The following DIP2A variants were observed in gnomAD, a reference collection of about 807,000 sequenced individuals.
The protein encoded by DIP2A is disco-interacting protein 2 homolog A.
In DIP2A, 85 loss-of-function variants were observed where a neutral mutation model predicts 177.4. The observed-to-expected ratio is 0.48, with a 90% CI of 0.40 to 0.57. The LOEUF is 0.57. DIP2A is among the 20% of genes least tolerant of loss of function. The pLI, the probability that DIP2A is intolerant of heterozygous loss-of-function variation, is 0.00. For synonymous variants in DIP2A, 886 were observed against 881.8 expected, an observed-to-expected ratio of 1.00 and a Z score of -0.08; for missense variants, 1,791 against 2,100.2, an observed-to-expected ratio of 0.85 and a Z score of 2.88.
intron 1 of DIP2A, among the ~76,000 whole-genome samples, chr21:46,460,588 C>T (rs1286461836): frequency 1.3e-5 from 2 of 152,122 alleles, no homozygotes; most frequent in East Asian, 1.9e-4. Context: ...CCTTGCCAAC[C>T]TTAGGGAGGT....
rs900261445 is a variant in DIP2A, at chr21:46,556,711, A to G, written c.3499-228A>G. ...AAAAAAAAAAAGAAAAAAATTTTAA[A>G]AATTCATTACCCTGAAATTTTGTTT... On this transcript the variant is annotated intron_variant, in intron 29 of 37. Coordinates refer to ENST00000417564, the MANE Select transcript of DIP2A (RefSeq NM_015151.4). This position sits in a 1 kb window ranked among gnomAD's most constrained non-coding sequence, Gnocchi z 4.5. 9 of 524,254 alleles carry G rather than the reference A, an allele frequency of 1.7e-5. No homozygotes were observed. Among genetic ancestry groups the G allele is most frequent in the African/African-American group, 3.9e-5 (2 of 51,752 alleles). The allele number at this position is 524,254 out of a possible 1,614,324, so 32.5% of individuals were successfully genotyped here. A position where few individuals can be genotyped will look rare whatever the true frequency, so the allele number is the denominator to read the frequency against.
intron 7 of DIP2A, among the ~76,000 whole-genome samples, chr21:46,509,901 G>A (rs1286410901): frequency 1.3e-5 from 2 of 152,176 alleles, no homozygotes; most frequent in African/African-American, 2.4e-5. Context: ...GACCTTGGCT[G>A]TTTGTACAGT....
At chr21:46,505,778 A>G (rs1004430624) in intron 6 of DIP2A, among the ~76,000 whole-genome samples, 1 of 152,184 alleles carries the variant, frequency 6.6e-6, no homozygotes, top group Non-Finnish European at 1.5e-5. Context: ...TTCTGTCACT[A>G]TAGATTAGAT....
At chr21:46,550,049 T>C (rs79100421) in intron 22 of DIP2A, 164 bp downstream of exon 22, 104,705 of 1,433,870 alleles carry the variant, frequency 0.073, 4,134 homozygotes, top group Non-Finnish European at 0.081. Flanking sequence ...GCTGTATGTA[T>C]TTACGGGATA....
the DIP2A span, among the ~76,000 whole-genome samples, chr21:46,576,947 A>G: frequency 2.0e-5 from 3 of 152,236 alleles, no homozygotes; most frequent in African/African-American, 7.2e-5. Context: ...GTGTCTGTTC[A>G]TGTCCTTTGC....
rs189274199 is a variant in DIP2A at position 46,479,578 on chromosome 21, T to G, written c.92-5179T>G. Reference sequence around the variant, plus strand: ...TCTCATTCTGCTATTCAAGCTGGAGTGCAGTGGTGCGATCATAGCTCACCG... The same window carrying G: ...TCTCATTCTGCTATTCAAGCTGGAGGGCAGTGGTGCGATCATAGCTCACCG... On this transcript the variant is annotated intron_variant, in intron 1 of 37. Transcript: ENST00000417564. 7.9e-4 allele frequency among the ~76,000 whole-genome samples: 120 copies of G among 152,246 alleles called. 2 individuals carry two copies. Among genetic ancestry groups the G allele is most frequent in the African/African-American group, 2.9e-3 (119 of 41,542 alleles).
intron 6 of DIP2A, among the ~76,000 whole-genome samples, chr21:46,507,614 C>A (rs1015527261): frequency 1.5e-4 from 23 of 151,086 alleles, no homozygotes; most frequent in African/African-American, 5.4e-4. Flanking sequence ...TAGCCATGAC[C>A]ACTGTGATTT....
intron 23 of DIP2A, 150 bp from the exon 24 acceptor site, chr21:46,551,484 T>C: frequency 1.5e-6 from 1 of 688,134 alleles, no homozygotes; most frequent in Non-Finnish European, 2.4e-6. Flanking sequence ...GCATAAACCT[T>C]GTAGCTAGCT....
intron 18 of DIP2A, among the ~76,000 whole-genome samples, chr21:46,543,838 TC>T (rs1182434422): frequency 6.6e-6 from 1 of 152,086 alleles, no homozygotes; most frequent in Admixed American, 6.6e-5. Context: ...ACCTTCCACA[TC>T]AGCCAAGCAC....
intron 25 of DIP2A, among the ~76,000 whole-genome samples, chr21:46,552,651 TTAA>T (rs1474513819): frequency 2.6e-5 from 4 of 152,210 alleles, no homozygotes; most frequent in Non-Finnish European, 5.9e-5. Flanking sequence ...AAAAAAATAC[TTAA>T]TGATGCCTAC....
chr21:46,486,081 A>G (rs2056668827), intron 2 of DIP2A, among the ~76,000 whole-genome samples: 1 of 48,832 alleles, frequency 2.0e-5, no homozygotes, highest in Non-Finnish European at 4.2e-5. Context: ...AAAAAAAAAA[A>G]AAAAAAAAAA....
intron 1 of DIP2A, among the ~76,000 whole-genome samples, chr21:46,465,897 A>T (rs148586589): frequency 9.0e-4 from 137 of 152,346 alleles, no homozygotes; most frequent in South Asian, 1.7e-3. Context: ...TTATTGTGAA[A>T]TGCCATTTTT....
Position 46,551,748 on chromosome 21 carries a change from C to T in DIP2A, c.2949+5C>T. The T allele has an allele frequency of 6.2e-7, 1 of 1,613,900 alleles. No homozygotes were observed. Among genetic ancestry groups the T allele is most frequent in the Non-Finnish European group, 8.5e-7 (1 of 1,179,874 alleles). On this transcript the variant is annotated splice_donor_5th_base_variant and intron_variant, in intron 24 of 37. Transcript: ENST00000417564. Reference sequence around the variant, plus strand: ...GACAGCGACCAGGCACGGAAGGTGACAGGCCAGTTCCGGGGACGGGTGGAC... The same window carrying T: ...GACAGCGACCAGGCACGGAAGGTGATAGGCCAGTTCCGGGGACGGGTGGAC...
chr21:46,498,788 G>T lies in DIP2A; in HGVS notation c.610G>T (p.Ala204Ser). 1 of 1,613,754 alleles carries T rather than the reference G, an allele frequency of 6.2e-7. No individual in the cohort carries two copies. The change falls in exon 5 of 38, where the codon GCC becomes TCC. Residue 204 changes from alanine to serine, a missense_variant. By Grantham distance (99) the Ala-to-Ser change is moderately conservative (BLOSUM62 1). Coordinates refer to ENST00000417564, the MANE Select transcript of DIP2A (RefSeq NM_015151.4). The surrounding 1 kb of genome is among the most constrained non-coding windows in gnomAD (Gnocchi z 4.3). ...CAGTGCTGCAGCCACGCCGGGGGCC[G>T]CCGCTACCACTGCACTCGCAGGCCT... ...APSAAATPGA[A>S]ATTALAGLEA...
chr21:46,462,496 AGTGT>A (rs1315389366), intron 1 of DIP2A: 2 of 152,230 alleles, frequency 1.3e-5, no homozygotes, highest in African/African-American at 4.8e-5. Context: ...TCAGTCACAT[AGTGT>A]GTGTGAAAAT....
chr21:46,519,855 A>ACT (rs2058742276), intron 8 of DIP2A, among the ~76,000 whole-genome samples: 2 of 52,978 alleles, frequency 3.8e-5, no homozygotes, highest in Admixed American at 2.7e-4. Context: ...ATTGATCTAG[A>ACT]TTTTTTTTTT....
chr21:46,549,717 C>G, intron 21 of DIP2A, 54 bp from the exon 22 acceptor site: 1 of 1,604,950 alleles, frequency 6.2e-7, no homozygotes, highest in Admixed American at 1.7e-5. Context: ...GAGAATGCAT[C>G]TGTGTCTTGT....
intron 8 of DIP2A, among the ~76,000 whole-genome samples, chr21:46,524,781 C>T (rs1160080531): frequency 2.0e-5 from 3 of 151,848 alleles, no homozygotes; most frequent in Non-Finnish European, 4.4e-5. Flanking sequence ...AGAGTTCTCT[C>T]CCTCTTTGTG....
chr21:46,497,483 C>T (rs1320470614), intron 4 of DIP2A, among the ~76,000 whole-genome samples: 2 of 152,196 alleles, frequency 1.3e-5, no homozygotes, highest in Non-Finnish European at 2.9e-5. Context: ...TTACCTATAA[C>T]TTAACAGGTT....
Sources: allele counts gnomAD v4.1 joint callset (sites outside exome capture counted in the v4.1 genomes callset), GRCh38; gene constraint gnomAD v4.1.1; non-coding constraint Gnocchi (gnomAD v3.1); transcripts MANE v1.5; gene names NCBI Gene and HGNC (gene_info 2026-07-23, HGNC 2026-07-21).